Variants in WDR44 observed in about 807,000 individuals in gnomAD.
WDR44 encodes the protein WD repeat domain 44, also known as WD repeat-containing protein 44.
A neutral mutation model predicts 65.7 loss-of-function variants in WDR44; 9 were observed. That is an observed-to-expected ratio of 0.14 (90% CI 0.08 to 0.24). WDR44 has a LOEUF of 0.24. WDR44 is among the 10% of genes least tolerant of loss of function. WDR44 has a pLI of 1.00. For missense variants in WDR44, 425 were observed against 670.9 expected (o/e 0.63, Z 4.05); for synonymous variants, 220 against 235.2 (o/e 0.94, Z 0.59).
chrX:118,398,600 C>A (rs778516366), intron 8 of WDR44, 130 bp downstream of exon 8: 5 of 525,981 alleles, frequency 9.5e-6, no homozygotes, highest in Non-Finnish European at 1.6e-5. Flanking sequence ...CCCTGTCCCT[C>A]GCTGATGGGT....
intron 1 of WDR44, among the ~76,000 whole-genome samples, chrX:118,363,767 C>T (rs993773505): frequency 8.9e-6 from 1 of 112,320 alleles, no homozygotes; most frequent in Non-Finnish European, 1.9e-5. Context: ...ACTGTATATA[C>T]TTTCTAAAAT....
At chrX:118,386,473 AT>A (rs1408928432) in intron 2 of WDR44, 2 of 341,962 alleles carry the variant, frequency 5.8e-6, no homozygotes, top group East Asian at 9.0e-5. Context: ...GGTGGGTTTA[AT>A]TTTTTTCATC....
At chrX:118,362,787 G>T (rs1292653746) in intron 1 of WDR44, among the ~76,000 whole-genome samples, 2 of 108,110 alleles carry the variant, frequency 1.8e-5, no homozygotes, top group Non-Finnish European at 3.9e-5. Flanking sequence ...TGGGGGTGGG[G>T]TAGAGTTGCT....
intron 19 of WDR44, among the ~76,000 whole-genome samples, chrX:118,446,867 T>TACGA (rs1556151789): frequency 2.7e-5 from 3 of 109,371 alleles, no homozygotes; most frequent in South Asian, 3.9e-4. Context: ...TTTTTTAACT[T>TACGA]ATGAATGAAT....
chrX:118,446,035 GA>G (rs71931551), intron 19 of WDR44, among the ~76,000 whole-genome samples: 30,427 of 65,093 alleles, frequency 0.47, 6,653 homozygotes, highest in African/African-American at 0.75. Context: ...TCTCAAAAAA[GA>G]AAAAAAAAAA....
At chrX:118,386,612 A>G in intron 2 of WDR44, 2 of 262,473 alleles carry the variant, frequency 7.6e-6, no homozygotes, top group Non-Finnish European at 1.4e-5. Context: ...AAACTTTTGT[A>G]TTTGTGCATA....
rs200825352 is a variant in WDR44, at chrX:118,425,647, C to CA, written c.1738-7125dup. ...TAGGTGATGGAGCAAGACTCCATCTCAAAAAAAAAGATAAGAAATGTCTTG... is the reference window on the plus strand; with the variant it reads ...TAGGTGATGGAGCAAGACTCCATCTCAAAAAAAAAAGATAAGAAATGTCTTG... On this transcript the variant is annotated intron_variant, in intron 12 of 19. Transcript: ENST00000254029. 5.3e-3 allele frequency among the ~76,000 whole-genome samples: 552 copies of CA among 104,831 alleles called. 1 individual carries two copies. Among genetic ancestry groups the CA allele is most frequent in the Non-Finnish European group, 8.7e-3 (444 of 50,807 alleles). The allele number at this position is 104,831 out of a possible 115,157, so 91.0% of individuals were successfully genotyped here. A position where few individuals can be genotyped will look rare whatever the true frequency, so the allele number is the denominator to read the frequency against.
chrX:118,441,239 G>C, intron 14 of WDR44, 129 bp from the exon 15 acceptor site: 1 of 594,783 alleles, frequency 1.7e-6, no homozygotes, highest in Middle Eastern at 5.0e-4. Flanking sequence ...GATTATAGGC[G>C]TGAGCCACCG....
chrX:118,397,511 A>T (rs140246797), intron 7 of WDR44, among the ~76,000 whole-genome samples: 179 of 111,295 alleles, frequency 1.6e-3, no homozygotes, highest in Middle Eastern at 4.7e-3. Flanking sequence ...ATAAATAAAT[A>T]AATTAAAATA....
At chrX:118,390,862 G>A (rs2056814267) in intron 3 of WDR44, among the ~76,000 whole-genome samples, 1 of 111,598 alleles carries the variant, frequency 9.0e-6, no homozygotes, top group African/African-American at 3.3e-5. Context: ...AAAGTAGTGT[G>A]GTATAATACA....
At chrX:118,393,454 T>C (rs756678379) in intron 4 of WDR44, among the ~76,000 whole-genome samples, 183 bp downstream of exon 4, 3 of 110,645 alleles carry the variant, frequency 2.7e-5, no homozygotes, top group Non-Finnish European at 3.8e-5. Context: ...TAGCTGGCCA[T>C]GGTGGCACGC....
At chrX:118,384,793 A>T (rs763311950) in intron 2 of WDR44, among the ~76,000 whole-genome samples, 15 of 111,770 alleles carry the variant, frequency 1.3e-4, no homozygotes, top group African/African-American at 4.6e-4. Context: ...AACGATATTG[A>T]TTCTTCCTAT....
At chrX:118,432,612 TGAAAG>T (rs1324890108) in intron 12 of WDR44, among the ~76,000 whole-genome samples, 164 bp from the exon 13 acceptor site, 1 of 111,909 alleles carries the variant, frequency 8.9e-6, no homozygotes, top group Admixed American at 9.6e-5. Context: ...GGCAAGGAGA[TGAAAG>T]GAAGAGGTGC....
intron 2 of WDR44, among the ~76,000 whole-genome samples, chrX:118,379,052 A>G (rs1174727135): frequency 9.1e-6 from 1 of 109,651 alleles, no homozygotes; most frequent in African/African-American, 3.3e-5. Flanking sequence ...TCAAAAAAAA[A>G]AGCAAAAAAT....
In WDR44 at chrX:118,423,489, A is replaced by T. The variant is rs552411352; in HGVS notation, c.1738-9292A>T. Reference sequence around the variant, plus strand: ...AGGCTATAAGTTAATTTTTTAAACCACTTTATTGAGGTATGATTGGTATTC... The same window carrying T: ...AGGCTATAAGTTAATTTTTTAAACCTCTTTATTGAGGTATGATTGGTATTC... On this transcript the variant is annotated intron_variant, in intron 12 of 19. Transcript: ENST00000254029. Among the ~76,000 whole-genome samples the T allele has an allele frequency of 5.4e-4, 61 of 111,929 alleles. 2 individuals are homozygous for T. The South Asian group carries it at 0.023, about 42-fold the overall frequency.
intron 12 of WDR44, among the ~76,000 whole-genome samples, chrX:118,424,253 A>G (rs952949862): frequency 1.5e-4 from 14 of 95,973 alleles, no homozygotes; most frequent in Non-Finnish European, 2.4e-4. Flanking sequence ...ATCTTCACTA[A>G]TACTTGTTAT....
At chrX:118,415,511 G>GT (rs2057049815) in intron 12 of WDR44, among the ~76,000 whole-genome samples, 1 of 111,366 alleles carries the variant, frequency 9.0e-6, no homozygotes, top group Non-Finnish European at 1.9e-5. Flanking sequence ...ATCTGGTCCT[G>GT]GACTTTTTTT....
At chrX:118,425,238 A>G (rs2057145860) in intron 12 of WDR44, among the ~76,000 whole-genome samples, 1 of 112,286 alleles carries the variant, frequency 8.9e-6, no homozygotes, top group Non-Finnish European at 1.9e-5. Context: ...GGACATTGCA[A>G]GGACTTTGGC....
chrX:118,449,108 T>C lies in WDR44; in HGVS notation c.*121T>C. On this transcript the variant is annotated 3_prime_UTR_variant, in exon 20 of 20. Coordinates refer to ENST00000254029, the MANE Select transcript of WDR44 (RefSeq NM_019045.5). ...TATTGAAAGTTGTTCAAATATAATA[T>C]ATTTTTTGAGAGGCAGTGTTAATGA... 6.5e-6 allele frequency: 3 copies of C among 463,857 alleles called. No homozygotes were observed. Among genetic ancestry groups the C allele is most frequent in the Non-Finnish European group, 1.0e-5 (3 of 290,900 alleles). The allele number at this position is 463,857 out of a possible 1,213,427, so 38.2% of individuals were successfully genotyped here.
Sources: allele counts gnomAD v4.1 joint callset (sites outside exome capture counted in the v4.1 genomes callset), GRCh38; gene constraint gnomAD v4.1.1; transcripts MANE v1.5; gene names NCBI Gene and HGNC (gene_info 2026-07-23, HGNC 2026-07-21).